GTF2IRD1: variants seen among roughly 807,000 people sequenced by gnomAD.
GTF2IRD1 encodes the protein general transcription factor II-I repeat domain-containing protein 1.
GTF2IRD1 carries 26 observed loss-of-function variants against 113.2 expected under a neutral mutation model. That is an observed-to-expected ratio of 0.23 (90% confidence interval 0.17 to 0.32). The LOEUF (loss-of-function observed/expected upper bound fraction) is 0.32. Ranked by LOEUF, GTF2IRD1 falls within the 10% of genes least tolerant of loss-of-function variation. The pLI is 1.00. For synonymous variants in GTF2IRD1, 484 were observed against 529.1 expected (o/e 0.91, Z 1.17); for missense variants, 864 against 1,280.8 (o/e 0.67, Z 4.97).
chr7:74,552,097 A>G (rs1318955549), intron 17 of GTF2IRD1, among the ~76,000 whole-genome samples: 6 of 151,990 alleles, frequency 3.9e-5, no homozygotes, highest in African/African-American at 1.4e-4. Context: ...CCCAAGAGGT[A>G]GCAGGGGACC....
intron 3 of GTF2IRD1, among the ~76,000 whole-genome samples, chr7:74,514,573 T>C (rs1236724663): frequency 6.6e-6 from 1 of 152,030 alleles, no homozygotes; most frequent in Non-Finnish European, 1.5e-5. Flanking sequence ...TCCTTTCCAA[T>C]GCAGCTTCTA....
chr7:74,565,806 C>CA (rs1421828341), intron 22 of GTF2IRD1, among the ~76,000 whole-genome samples: 3 of 151,862 alleles, frequency 2.0e-5, no homozygotes, highest in Middle Eastern at 3.4e-3. Context: ...CCCATCTCTA[C>CA]AAAAAAAATT....
At chr7:74,528,877 G>A (rs1797779698) in intron 8 of GTF2IRD1, among the ~76,000 whole-genome samples, 1 of 90,944 alleles carries the variant, frequency 1.1e-5, no homozygotes, top group South Asian at 3.7e-4. Flanking sequence ...GCAGATGGAT[G>A]GATGGATGGA....
chr7:74,519,153 C>G (rs1270985369), intron 5 of GTF2IRD1, among the ~76,000 whole-genome samples: 2 of 152,198 alleles, frequency 1.3e-5, no homozygotes, highest in Non-Finnish European at 2.9e-5. Flanking sequence ...CCGCACCTGG[C>G]GGGATCTGAA....
chr7:74,536,347 G>C, intron 11 of GTF2IRD1, 72 bp downstream of exon 11: 1 of 934,468 alleles, frequency 1.1e-6, no homozygotes, highest in South Asian at 1.4e-5. Context: ...TTACCTGCAA[G>C]GGGGTACCCA....
chr7:74,545,699 A>G, intron 15 of GTF2IRD1, 45 bp from the exon 16 acceptor site: 1 of 1,480,972 alleles, frequency 6.8e-7, no homozygotes, highest in Non-Finnish European at 9.4e-7. Flanking sequence ...ATCAGCCGAG[A>G]AGCTGCCACC....
At chr7:74,463,008 C>T (rs1562767945) in intron 1 of GTF2IRD1, among the ~76,000 whole-genome samples, 12 of 152,112 alleles carry the variant, frequency 7.9e-5, no homozygotes, top group Non-Finnish European at 1.5e-5. Context: ...CTTATGTATC[C>T]CCACCCTGTG....
chr7:74,528,024 G>C (rs1554347582), intron 8 of GTF2IRD1, among the ~76,000 whole-genome samples: 1 of 152,128 alleles, frequency 6.6e-6, no homozygotes, highest in African/African-American at 2.4e-5. Flanking sequence ...TATGGCGCTG[G>C]TGAATGAAGG....
At chr7:74,569,785 C>T (rs369358157) in intron 22 of GTF2IRD1, among the ~76,000 whole-genome samples, 4 of 151,996 alleles carry the variant, frequency 2.6e-5, no homozygotes, top group Non-Finnish European at 5.9e-5. Context: ...GTGAAGAGGG[C>T]GGAAGGTTCC....
chr7:74,560,186 G>T (rs1174929100), intron 22 of GTF2IRD1, among the ~76,000 whole-genome samples: 3 of 152,198 alleles, frequency 2.0e-5, no homozygotes, highest in Admixed American at 2.0e-4. Context: ...CAGAGAAAGG[G>T]GTGGTGGCGT....
chr7:74,483,213 G>A (rs200754344), intron 1 of GTF2IRD1, among the ~76,000 whole-genome samples: 1 of 152,006 alleles, frequency 6.6e-6, no homozygotes, highest in Non-Finnish European at 1.5e-5. Flanking sequence ...AGTGCTAAGA[G>A]GTTGTTTTCC....
chr7:74,481,002 C>T (rs37615), intron 1 of GTF2IRD1, among the ~76,000 whole-genome samples: 11 of 151,994 alleles, frequency 7.2e-5, no homozygotes, highest in Non-Finnish European at 1.0e-4. Flanking sequence ...AAGAGGCAGG[C>T]GGCTCCCTCA....
Position 74,555,348 on chromosome 7 carries a change from AC to A in GTF2IRD1, c.1967-85del. ...ATCCTGGCCCTGGCATTCTCCCCACACCCCCACATTGGGTTTCCCCTAACGA... is the reference window on the plus strand; with the variant it reads ...ATCCTGGCCCTGGCATTCTCCCCACACCCCACATTGGGTTTCCCCTAACGA... On this transcript the variant is annotated intron_variant, in intron 18 of 26. Transcript: ENST00000424337. This position sits in a 1 kb window ranked among gnomAD's most constrained non-coding sequence, Gnocchi z 5.3. 6.8e-7 allele frequency: 1 copy of A among 1,467,166 alleles called. No homozygotes were observed. The highest frequency in any genetic ancestry group is 9.5e-7 in the Non-Finnish European group (1 of 1,047,876). 90.9% of individuals were successfully genotyped at this position (1,467,166 alleles called of 1,614,324 possible). A position where few individuals can be genotyped will look rare whatever the true frequency, so the allele number is the denominator to read the frequency against.
intron 22 of GTF2IRD1, 71 bp downstream of exon 22, chr7:74,559,726 G>A: frequency 7.7e-7 from 1 of 1,303,884 alleles, no homozygotes; most frequent in African/African-American, 1.5e-5. Context: ...CTGGAGCTAA[G>A]CCTGCTGTGG....
chr7:74,564,935 G>A (rs1413424779), intron 22 of GTF2IRD1, among the ~76,000 whole-genome samples: 4 of 152,170 alleles, frequency 2.6e-5, no homozygotes, highest in Non-Finnish European at 2.9e-5. Context: ...AAGCCTCAGA[G>A]GGCAGTGGGT....
intron 1 of GTF2IRD1, among the ~76,000 whole-genome samples, chr7:74,463,526 G>A (rs190565944): frequency 2.2e-4 from 33 of 152,160 alleles, no homozygotes; most frequent in African/African-American, 7.0e-4. Flanking sequence ...GAGCCACTGC[G>A]TCCTGCCTGT....
Position 74,521,248 on chromosome 7 carries a change from C to G in GTF2IRD1, c.957C>G (p.Asn319Lys). The G allele has an allele frequency of 6.2e-7, 1 of 1,611,796 alleles. No individual in the cohort carries two copies. The highest frequency in any genetic ancestry group is 8.5e-7 in the Non-Finnish European group (1 of 1,178,208). ...GGCCTGGTGGGCCTCTCATCCAGAA[C>G]GTCCATGCCTCCAAGCGCATTCTCT... ...PTGPGGPLIQ[N>K]VHASKRILFS... Residue 319 changes from asparagine to lysine, a missense_variant, in exon 7 of 27, where the codon AAC becomes AAG. Physicochemically the swap from Asn to Lys is moderately conservative, Grantham distance 94. This residue lies in a region of GTF2IRD1 where 195 missense variants were observed against 196.6 expected (regional missense o/e 0.99). Transcript: ENST00000424337.
chr7:74,567,349 A>C (rs1554360995), intron 22 of GTF2IRD1, among the ~76,000 whole-genome samples: 1 of 151,516 alleles, frequency 6.6e-6, no homozygotes, highest in Non-Finnish European at 1.5e-5. Context: ...GAAAAAAAAA[A>C]GGAGAGAGAG....
At chr7:74,493,571 G>A (rs781371938) in intron 1 of GTF2IRD1, among the ~76,000 whole-genome samples, 37 of 152,102 alleles carry the variant, frequency 2.4e-4, no homozygotes, top group Non-Finnish European at 4.3e-4. Flanking sequence ...TCTTTTGGAG[G>A]TCATTTTTTT....
Sources: allele counts gnomAD v4.1 joint callset (sites outside exome capture counted in the v4.1 genomes callset), GRCh38; gene constraint gnomAD v4.1.1; regional missense constraint gnomAD v4.1.1; non-coding constraint Gnocchi (gnomAD v3.1); transcripts MANE v1.5; gene names NCBI Gene and HGNC (gene_info 2026-07-23, HGNC 2026-07-21).